SLC22A14: variants seen among roughly 807,000 people sequenced by gnomAD.
SLC22A14 encodes solute carrier family 22 member 14.
In SLC22A14, 50 loss-of-function variants were observed where a neutral mutation model predicts 53.9. That is an observed-to-expected ratio of 0.93 (90% CI 0.74 to 1.17). The LOEUF (loss-of-function observed/expected upper bound fraction) is 1.17. Ranked by LOEUF, SLC22A14 falls within the 50% of genes most tolerant of loss-of-function variation. The probability of loss-of-function intolerance (pLI) is 0.00; values close to 1 mark genes in which losing one functional copy is unlikely to be tolerated. For missense variants in SLC22A14, 671 were observed against 734.7 expected (o/e 0.91, Z 1.00); for synonymous variants, 312 against 303.0 (o/e 1.03, Z -0.31).
chr3:38,308,160 GGAAAGAAGAA>G lies in SLC22A14; in HGVS notation c.775+449_775+458del, dbSNP rs1704365496. The G allele has an allele frequency of 1.9e-5, 3 of 156,426 alleles. No individual in the cohort carries two copies. In the Admixed American group the frequency reaches 1.9e-4, roughly 10 times the overall value. 9.7% of individuals were successfully genotyped at this position (156,426 alleles called of 1,614,324 possible). ...AACAGAAGAAGAAGGAGGAGGAGGA[GGAAAGAAGAA>G]GAAAGAAGGAGGAGGAGGAGGAGGA... On this transcript the variant is annotated intron_variant, in intron 4 of 10. Coordinates refer to ENST00000448498, the MANE Select transcript of SLC22A14 (RefSeq NM_001320033.2).
chr3:38,305,847 C>A, intron 1 of SLC22A14, 180 bp from the exon 2 acceptor site: 1 of 639,152 alleles, frequency 1.6e-6, no homozygotes. Flanking sequence ...ATGGTTGGGC[C>A]AGGGGGGAAT....
chr3:38,308,820 C>A, intron 4 of SLC22A14, 134 bp from the exon 5 acceptor site: 1 of 799,314 alleles, frequency 1.3e-6, no homozygotes, highest in Non-Finnish European at 2.1e-6. Context: ...GGACCCAGTG[C>A]AGAGACGAGC....
upstream of SLC22A14, among the ~76,000 whole-genome samples, chr3:38,282,121 C>T (rs1269565050): frequency 6.6e-6 from 1 of 152,172 alleles, no homozygotes; most frequent in African/African-American, 2.4e-5. Context: ...AAACAGCCTG[C>T]ACAAAGACAG....
intron 1 of SLC22A14, among the ~76,000 whole-genome samples, chr3:38,300,879 G>A (rs988061145): frequency 2.0e-5 from 3 of 152,146 alleles, no homozygotes; most frequent in Non-Finnish European, 4.4e-5. Context: ...ATAAGGTCTT[G>A]CCCACTGCAG....
chr3:38,313,628 G>A (rs1282788023), intron 7 of SLC22A14, 99 bp from the exon 8 acceptor site: 6 of 935,154 alleles, frequency 6.4e-6, no homozygotes, highest in South Asian at 4.2e-5. Context: ...TCTCTCCTCC[G>A]TTCCTACCCT....
intron 1 of SLC22A14, among the ~76,000 whole-genome samples, chr3:38,291,740 T>A (rs1703918820): frequency 6.6e-6 from 1 of 152,246 alleles, no homozygotes; most frequent in Non-Finnish European, 1.5e-5. Flanking sequence ...TTGGCAAGTT[T>A]AACACTGGGG....
At chr3:38,308,022 A>G in intron 4 of SLC22A14, 1 of 446,376 alleles carries the variant, frequency 2.2e-6, no homozygotes, top group East Asian at 4.4e-5. Flanking sequence ...CCTCCTTCCT[A>G]ACTCCCTCAT....
intron 4 of SLC22A14, among the ~76,000 whole-genome samples, chr3:38,308,390 T>C (rs1439397766): frequency 1.3e-5 from 2 of 152,210 alleles, no homozygotes; most frequent in Admixed American, 1.3e-4. Flanking sequence ...GGAGGACTCT[T>C]TAGCCTCAGA....
chr3:38,286,216 C>A (rs1031863432), intron 1 of SLC22A14, among the ~76,000 whole-genome samples: 1 of 152,068 alleles, frequency 6.6e-6, no homozygotes, highest in African/African-American at 2.4e-5. Context: ...CACTCCAGCC[C>A]AGGCAACAAG....
chr3:38,314,717 C>A (rs759185334), intron 8 of SLC22A14, among the ~76,000 whole-genome samples: 2 of 152,204 alleles, frequency 1.3e-5, no homozygotes, highest in South Asian at 4.1e-4. Flanking sequence ...TGGATTAGGA[C>A]CCTTCCACTC....
At chr3:38,308,921 A>G (rs770596002) in intron 4 of SLC22A14, 33 bp from the exon 5 acceptor site, 6 of 1,605,108 alleles carry the variant, frequency 3.7e-6, no homozygotes, top group East Asian at 2.2e-5. Context: ...ACCCTGACGT[A>G]ACCATGGTTT....
intron 1 of SLC22A14, among the ~76,000 whole-genome samples, chr3:38,287,223 A>G (rs1703814129): frequency 6.6e-6 from 1 of 152,168 alleles, no homozygotes. Context: ...TAAATTTGGC[A>G]AGTTTAATAT....
At position 38,288,193 on chromosome 3, in the gene SLC22A14, T is replaced by G. The variant is rs184746535; in HGVS notation, c.-1+5854T>G. 1.8e-3 allele frequency among the ~76,000 whole-genome samples: 267 copies of G among 152,362 alleles called. 2 individuals carry two copies. Among genetic ancestry groups the G allele is most frequent in the African/African-American group, 6.1e-3 (255 of 41,582 alleles). ...CATATAAGTGTAATCATACATGTCCTTTTGTGATTTGGTATTTCACTTAGC... is the reference window on the plus strand; with the variant it reads ...CATATAAGTGTAATCATACATGTCCGTTTGTGATTTGGTATTTCACTTAGC... On this transcript the variant is annotated intron_variant, in intron 1 of 10. Transcript: ENST00000448498.
Position 38,283,896 on chromosome 3 carries a change from C to G in SLC22A14, c.-1+1557C>G, listed in dbSNP as rs369551628. Among the ~76,000 whole-genome samples the G allele has an allele frequency of 1.2e-4, 19 of 152,292 alleles. No individual in the cohort carries two copies. In the East Asian group the frequency reaches 2.5e-3, roughly 20 times the overall value. On this transcript the variant is annotated intron_variant, in intron 1 of 10. Coordinates refer to ENST00000448498, the MANE Select transcript of SLC22A14 (RefSeq NM_001320033.2). ...GCAGACTCTCAGTCTAAAGGAGGGG[C>G]CCCTGCTCAGATTTGCTAATTGTTG...
rs780908878 is a variant in SLC22A14, at chr3:38,318,275, A to T, written c.*26A>T. 1.9e-6 allele frequency: 3 copies of T among 1,604,190 alleles called. No homozygotes were observed. Among genetic ancestry groups the T allele is most frequent in the Non-Finnish European group, 2.6e-6 (3 of 1,170,926 alleles). On this transcript the variant is annotated 3_prime_UTR_variant, in exon 11 of 11. Coordinates refer to ENST00000448498, the MANE Select transcript of SLC22A14 (RefSeq NM_001320033.2). ...GGAAGCGGCCAAGAATGTCATTCTCAATGCCCAGATCCTGAGATTGGACCC... is the reference window on the plus strand; with the variant it reads ...GGAAGCGGCCAAGAATGTCATTCTCTATGCCCAGATCCTGAGATTGGACCC...
Position 38,313,585 on chromosome 3 carries a change from C to A in SLC22A14, c.1163+100C>A, listed in dbSNP as rs1704534088. 3 of 1,003,932 alleles carry A rather than the reference C, an allele frequency of 3.0e-6. No homozygotes were observed. In the South Asian group the frequency reaches 3.9e-5, roughly 13 times the overall value. 62.2% of individuals were successfully genotyped at this position (1,003,932 alleles called of 1,614,324 possible). ...TGGTCAGGCTGCAGGGGAGGCAGCC[C>A]AAGGACACAGATCACAGGTCTCTGT... On this transcript the variant is annotated intron_variant, in intron 7 of 10. Coordinates refer to ENST00000448498, the MANE Select transcript of SLC22A14 (RefSeq NM_001320033.2).
At chr3:38,291,340 T>C (rs1703909859) in intron 1 of SLC22A14, among the ~76,000 whole-genome samples, 1 of 152,206 alleles carries the variant, frequency 6.6e-6, no homozygotes, top group African/African-American at 2.4e-5. Flanking sequence ...AGTTAAGTTC[T>C]ATCTTTTCTT....
chr3:38,304,361 C>T (rs568251239), intron 1 of SLC22A14, among the ~76,000 whole-genome samples: 5 of 152,106 alleles, frequency 3.3e-5, no homozygotes, highest in East Asian at 1.9e-4. Context: ...AAATATTCTT[C>T]GCTCTCCTGG....
chr3:38,300,952 A>G (rs1704146139), intron 1 of SLC22A14, among the ~76,000 whole-genome samples: 2 of 152,072 alleles, frequency 1.3e-5, no homozygotes, highest in African/African-American at 2.4e-5. Flanking sequence ...TAGGACTACA[A>G]GTGTATTCCA....
Sources: gnomAD v4.1 joint callset for allele counts (sites outside exome capture counted in the v4.1 genomes callset) on GRCh38, gnomAD v4.1.1 for gene constraint, MANE v1.5 for transcripts, NCBI Gene and HGNC (gene_info 2026-07-23, HGNC 2026-07-21) for gene names.